Variants in TENM3 observed in about 807,000 individuals in gnomAD.
TENM3 encodes the protein teneurin transmembrane protein 3.
TENM3 carries 63 observed loss-of-function variants against 255.1 expected under a neutral mutation model. That is an observed-to-expected ratio of 0.25 (90% CI 0.20 to 0.30). The LOEUF (loss-of-function observed/expected upper bound fraction) is 0.30, where lower values mean the gene tolerates loss of function less well. TENM3 is among the 10% of genes least tolerant of loss of function. The pLI, the probability that TENM3 is intolerant of heterozygous loss-of-function variation, is 1.00. For missense variants in TENM3, 2,929 were observed against 3,461.1 expected, an observed-to-expected ratio of 0.85 and a Z score of 3.86; for synonymous variants, 1,306 against 1,322.3, an observed-to-expected ratio of 0.99 and a Z score of 0.27.
At chr4:182,220,728 C>T (rs537747444) in intron 1 of TENM3, among the ~76,000 whole-genome samples, 1 of 152,250 alleles carries the variant, frequency 6.6e-6, no homozygotes, top group Admixed American at 6.5e-5. Flanking sequence ...TGTATAATTA[C>T]CTAAGAACTA....
chr4:182,720,437 G>T (rs1759625706), intron 13 of TENM3, among the ~76,000 whole-genome samples: 1 of 152,086 alleles, frequency 6.6e-6, no homozygotes, highest in Admixed American at 6.6e-5. Context: ...ATAGAGTGGT[G>T]CTTACAGTCT....
chr4:182,346,949 T>C lies in TENM3; in HGVS notation c.511+20T>C. The C allele has an allele frequency of 1.3e-6, 2 of 1,527,210 alleles. No individual in the cohort carries two copies. Among genetic ancestry groups the C allele is most frequent in the South Asian group, 2.4e-5 (2 of 84,984 alleles). The allele number at this position is 1,527,210 out of a possible 1,614,324, so 94.6% of individuals were successfully genotyped here. A position where few individuals can be genotyped will look rare whatever the true frequency, so the allele number is the denominator to read the frequency against. ...AGAATGGTAAGTTTCCTTTTTGGCTTTATAATGTTGGCATTCAGTGCTTCT... is the reference window on the plus strand; with the variant it reads ...AGAATGGTAAGTTTCCTTTTTGGCTCTATAATGTTGGCATTCAGTGCTTCT... On this transcript the variant is annotated intron_variant, in intron 3 of 27. Coordinates refer to ENST00000511685, the MANE Select transcript of TENM3 (RefSeq NM_001080477.4).
At chr4:181,467,309 C>T in the TENM3 span, among the ~76,000 whole-genome samples, 3 of 149,202 alleles carry the variant, frequency 2.0e-5, no homozygotes, top group Non-Finnish European at 4.4e-5. Context: ...AATTTTTGTA[C>T]GTTTTAGTAG....
the TENM3 span, among the ~76,000 whole-genome samples, chr4:181,640,557 T>G: frequency 6.6e-6 from 1 of 152,162 alleles, no homozygotes; most frequent in Admixed American, 6.5e-5. Context: ...CACAACACCC[T>G]TTATCATACT....
At chr4:182,045,964 C>T in the TENM3 span, among the ~76,000 whole-genome samples, 1,777 of 152,248 alleles carry the variant, frequency 0.012, 27 homozygotes, top group African/African-American at 0.041. Context: ...GGGAGGATCA[C>T]TTGAGCCCAG....
At chr4:182,209,340 C>A (rs189898665) in intron 1 of TENM3, among the ~76,000 whole-genome samples, 1 of 151,954 alleles carries the variant, frequency 6.6e-6, no homozygotes, top group African/African-American at 2.4e-5. Flanking sequence ...CCATCCCATC[C>A]CCCACACTCA....
chr4:182,550,369 G>A lies in TENM3; in HGVS notation c.512-50555G>A, dbSNP rs533654659. On this transcript the variant is annotated intron_variant, in intron 3 of 27. Transcript: ENST00000511685. ...ATCCACAGAATAATTACATATATTG[G>A]TTCACTGTATATCTCTCTGTTTACT... 5.1e-4 allele frequency among the ~76,000 whole-genome samples: 78 copies of A among 152,200 alleles called. 1 individual carries two copies. In the South Asian group the frequency reaches 0.015, roughly 30 times the overall value.
At chr4:181,676,211 T>C in the TENM3 span, among the ~76,000 whole-genome samples, 1 of 152,290 alleles carries the variant, frequency 6.6e-6, no homozygotes, top group African/African-American at 2.4e-5. Context: ...AAATGCATAC[T>C]GGCCTAAATT....
the TENM3 span, among the ~76,000 whole-genome samples, chr4:181,549,485 T>C: frequency 1.3e-5 from 2 of 152,224 alleles, no homozygotes; most frequent in Non-Finnish European, 2.9e-5. Context: ...CCAGCCTCTC[T>C]CCAACACAGG....
chr4:181,873,352 A>G, the TENM3 span, among the ~76,000 whole-genome samples: 1 of 152,178 alleles, frequency 6.6e-6, no homozygotes, highest in Non-Finnish European at 1.5e-5. Context: ...AACAGGCGTG[A>G]GCCACCACGC....
At chr4:181,478,772 G>A in the TENM3 span, among the ~76,000 whole-genome samples, 16 of 152,194 alleles carry the variant, frequency 1.1e-4, no homozygotes, top group South Asian at 2.5e-3. Flanking sequence ...TCTGTTCCTT[G>A]CCATTCCACA....
chr4:182,547,940 A>G (rs1741610899), intron 3 of TENM3, among the ~76,000 whole-genome samples: 1 of 152,062 alleles, frequency 6.6e-6, no homozygotes, highest in African/African-American at 2.4e-5. Flanking sequence ...TTCCAAGGCC[A>G]GGCACGATGG....
chr4:181,833,526 C>T, the TENM3 span, among the ~76,000 whole-genome samples: 1 of 152,150 alleles, frequency 6.6e-6, no homozygotes, highest in Admixed American at 6.5e-5. Context: ...AGGATAAAAT[C>T]CAAACTCATT....
the TENM3 span, among the ~76,000 whole-genome samples, chr4:181,929,124 C>T: frequency 0.015 from 2,316 of 152,236 alleles, 61 homozygotes; most frequent in African/African-American, 0.053. Flanking sequence ...CGTCAACCAA[C>T]TGGCAAAATA....
intron 3 of TENM3, among the ~76,000 whole-genome samples, chr4:182,389,012 T>C (rs1244945283): frequency 6.6e-6 from 1 of 152,154 alleles, no homozygotes; most frequent in East Asian, 1.9e-4. Flanking sequence ...ATTTCAAACA[T>C]AAATTATATT....
the TENM3 span, among the ~76,000 whole-genome samples, chr4:181,790,585 A>G: frequency 6.6e-6 from 1 of 152,168 alleles, no homozygotes; most frequent in African/African-American, 2.4e-5. Flanking sequence ...TTATGAGTGG[A>G]AAAAAACAAA....
At chr4:181,626,516 C>T in the TENM3 span, among the ~76,000 whole-genome samples, 14 of 151,980 alleles carry the variant, frequency 9.2e-5, 1 homozygote, top group South Asian at 2.9e-3. Context: ...ACAATCATGG[C>T]GGAAGGGGAA....
chr4:182,220,524 G>A (rs867360289), intron 1 of TENM3, among the ~76,000 whole-genome samples: 14 of 149,960 alleles, frequency 9.3e-5, no homozygotes, highest in African/African-American at 2.5e-4. Flanking sequence ...CTGGCATCAC[G>A]CAGCATGCTG....
the TENM3 span, among the ~76,000 whole-genome samples, chr4:182,093,503 A>C: frequency 6.6e-6 from 1 of 152,240 alleles, no homozygotes; most frequent in Non-Finnish European, 1.5e-5. Flanking sequence ...AGCCGAAAGA[A>C]CTACGTGATA....
Sources: allele counts gnomAD v4.1 joint callset (sites outside exome capture counted in the v4.1 genomes callset), GRCh38; gene constraint gnomAD v4.1.1; transcripts MANE v1.5; gene names NCBI Gene and HGNC (gene_info 2026-07-23, HGNC 2026-07-21).